The following CEPT1 variants were observed in gnomAD, a reference collection of about 807,000 sequenced individuals.
CEPT1 encodes the protein choline/ethanolaminephosphotransferase 1.
CEPT1 carries 7 observed loss-of-function variants against 42.6 expected under a neutral mutation model. That is an observed-to-expected ratio of 0.16 (90% CI 0.09 to 0.31). The LOEUF is 0.31. Among genes scored for constraint, CEPT1 ranks in the 10% least tolerant of loss-of-function variants. The probability of loss-of-function intolerance (pLI) is 1.00; values close to 1 mark genes in which losing one functional copy is unlikely to be tolerated. For missense variants in CEPT1, 306 were observed against 502.1 expected, an observed-to-expected ratio of 0.61 and a Z score of 3.73; for synonymous variants, 171 against 171.9, an observed-to-expected ratio of 0.99 and a Z score of 0.04.
In CEPT1 at chr1:111,183,417, T is replaced by C. The variant is rs1657088380; in HGVS notation, c.1006-45T>C. 5 of 1,603,026 alleles carry C rather than the reference T, an allele frequency of 3.1e-6. No individual in the cohort carries two copies. The East Asian group carries it at 9.0e-5, about 29-fold the overall frequency. ...ATATGATTTACTGTGTAGTTCACAA[T>C]TGTCCTCTTATGAAAATGCCTACGT... On this transcript the variant is annotated intron_variant, in intron 7 of 8. Coordinates refer to ENST00000357172, the MANE Select transcript of CEPT1 (RefSeq NM_006090.5).
chr1:111,173,697 G>A (rs1449305529), intron 4 of CEPT1, among the ~76,000 whole-genome samples: 2 of 152,198 alleles, frequency 1.3e-5, no homozygotes, highest in East Asian at 1.9e-4. Context: ...CCAATAGGTA[G>A]CCACCACTCT....
rs751451295 is a variant in CEPT1, at chr1:111,148,087, A to G, written c.339+34A>G. ...TTCTTAACAGATCTCAACATTTGCT[A>G]TATACCAAAAACGTTGTAATTGGGA... On this transcript the variant is annotated intron_variant, in intron 2 of 8. Transcript: ENST00000357172. 10 of 1,531,592 alleles carry G rather than the reference A, an allele frequency of 6.5e-6. No individual in the cohort carries two copies. In the African/African-American group the frequency reaches 8.2e-5, roughly 13 times the overall value. The allele number at this position is 1,531,592 out of a possible 1,614,324, so 94.9% of individuals were successfully genotyped here.
At chr1:111,162,269 G>A (rs972560823) in intron 4 of CEPT1, among the ~76,000 whole-genome samples, 2 of 152,248 alleles carry the variant, frequency 1.3e-5, no homozygotes, top group African/African-American at 2.4e-5. Context: ...GAAGCAAGGA[G>A]ACCCGTTAGA....
At chr1:111,144,517 A>C (rs1419831736) in intron 1 of CEPT1, among the ~76,000 whole-genome samples, 1 of 152,248 alleles carries the variant, frequency 6.6e-6, no homozygotes, top group Non-Finnish European at 1.5e-5. Context: ...TAAAAGAGAA[A>C]TAGAAGGTTA....
intron 5 of CEPT1, chr1:111,179,359 A>G (rs568876818): frequency 6.6e-6 from 1 of 152,330 alleles, no homozygotes; most frequent in Admixed American, 6.5e-5. Context: ...TACTCTTCCC[A>G]ACTCTTAAAG....
intron 2 of CEPT1, among the ~76,000 whole-genome samples, chr1:111,158,366 A>AATT (rs1655684649): frequency 7.3e-6 from 1 of 137,080 alleles, no homozygotes; most frequent in Non-Finnish European, 1.6e-5. Flanking sequence ...ATAAATAAAT[A>AATT]AATTAATTAA....
chr1:111,151,415 C>T (rs1017439100), intron 2 of CEPT1, among the ~76,000 whole-genome samples: 27 of 152,338 alleles, frequency 1.8e-4, no homozygotes, highest in South Asian at 8.3e-4. Context: ...TGCCACCACA[C>T]CCGGCCAGCT....
chr1:111,153,656 G>A (rs990508724), intron 2 of CEPT1, among the ~76,000 whole-genome samples: 14 of 152,184 alleles, frequency 9.2e-5, no homozygotes, highest in African/African-American at 3.1e-4. Flanking sequence ...TATAGTGAGA[G>A]ATAGGGGTCT....
intron 1 of CEPT1, chr1:111,140,730 C>T (rs182268184): frequency 4.2e-4 from 64 of 152,432 alleles, no homozygotes; most frequent in African/African-American, 1.4e-3. Flanking sequence ...CTGGCAAGTC[C>T]ACACACCGTG....
At position 111,183,598 on chromosome 1, in the gene CEPT1, T is replaced by A. The variant is rs773394066; in HGVS notation, c.1131+11T>A. The A allele has an allele frequency of 2.5e-6, 4 of 1,605,616 alleles. No homozygotes were observed. The highest frequency in any genetic ancestry group is 2.6e-6 in the Non-Finnish European group (3 of 1,173,488). On this transcript the variant is annotated intron_variant, in intron 8 of 8. Coordinates refer to ENST00000357172, the MANE Select transcript of CEPT1 (RefSeq NM_006090.5). ...CTTTGGATTGCCCTGGTAAGTATTG[T>A]ACTAAGTCTTATTTCATGGTTTGAG...
intron 1 of CEPT1, chr1:111,143,448 T>C (rs901686451): frequency 1.2e-4 from 19 of 152,200 alleles, no homozygotes; most frequent in Non-Finnish European, 2.5e-4. Flanking sequence ...ATTTGCTTGT[T>C]TACTAGTTTT....
At chr1:111,141,217 T>C (rs921206184) in intron 1 of CEPT1, among the ~76,000 whole-genome samples, 1 of 152,358 alleles carries the variant, frequency 6.6e-6, no homozygotes, top group South Asian at 2.1e-4. Flanking sequence ...AGATGTTGAG[T>C]TGAACGACTT....
intron 4 of CEPT1, among the ~76,000 whole-genome samples, chr1:111,174,377 T>G (rs1365550290): frequency 1.3e-5 from 2 of 152,022 alleles, no homozygotes; most frequent in Non-Finnish European, 2.9e-5. Flanking sequence ...TTTTCACACC[T>G]ATACAATGGC....
At chr1:111,151,418 G>A (rs1321685390) in intron 2 of CEPT1, among the ~76,000 whole-genome samples, 4 of 152,144 alleles carry the variant, frequency 2.6e-5, no homozygotes, top group Non-Finnish European at 4.4e-5. Context: ...CACCACACCC[G>A]GCCAGCTTGG....
chr1:111,147,573 T>C, intron 1 of CEPT1, 69 bp from the exon 2 acceptor site: 1 of 547,292 alleles, frequency 1.8e-6, no homozygotes, highest in Non-Finnish European at 3.1e-6. Context: ...AATTTGTTAA[T>C]ATTGGCATAA....
chr1:111,144,763 G>A (rs961862514), intron 1 of CEPT1, among the ~76,000 whole-genome samples: 29 of 152,182 alleles, frequency 1.9e-4, no homozygotes, highest in African/African-American at 6.5e-4. Context: ...GTGGAATTCC[G>A]TAAGAGCTAT....
intron 6 of CEPT1, 195 bp downstream of exon 6, chr1:111,182,513 T>C: frequency 1.6e-6 from 1 of 618,210 alleles, no homozygotes; most frequent in Non-Finnish European, 2.7e-6. Flanking sequence ...TTCATACTTT[T>C]ATGCATACAC....
At chr1:111,183,044 A>C in intron 7 of CEPT1, 87 bp downstream of exon 7, 22 of 1,351,740 alleles carry the variant, frequency 1.6e-5, no homozygotes, top group Non-Finnish European at 2.0e-5. Context: ...GTAGCTTCAT[A>C]AATGGTCCTA....
chr1:111,164,412 G>C (rs1042157299), intron 4 of CEPT1, among the ~76,000 whole-genome samples: 1 of 152,132 alleles, frequency 6.6e-6, no homozygotes, highest in Non-Finnish European at 1.5e-5. Context: ...GAAAGACTGG[G>C]GAGGAAAATG....
Sources: allele counts gnomAD v4.1 joint callset (sites outside exome capture counted in the v4.1 genomes callset), GRCh38; gene constraint gnomAD v4.1.1; transcripts MANE v1.5; gene names NCBI Gene and HGNC (gene_info 2026-07-23, HGNC 2026-07-21).